The following ANKS1A variants were observed in gnomAD, a reference collection of about 807,000 sequenced individuals.
ANKS1A encodes ankyrin repeat and SAM domain-containing protein 1A.
Under a neutral mutation model 120.3 loss-of-function variants are expected in ANKS1A, and 55 were observed. That is an observed-to-expected ratio of 0.46 (90% confidence interval 0.37 to 0.57). The LOEUF (loss-of-function observed/expected upper bound fraction) is 0.57. ANKS1A is among the 20% of genes least tolerant of loss of function. The pLI is 0.00. For missense variants in ANKS1A, 1,123 were observed against 1,480.3 expected, an observed-to-expected ratio of 0.76 and a Z score of 3.96; for synonymous variants, 590 against 604.7, an observed-to-expected ratio of 0.98 and a Z score of 0.36.
In ANKS1A at chr6:34,959,720, A is replaced by C. The variant is rs527467230; in HGVS notation, c.198-7519A>C. Reference sequence around the variant, plus strand: ...GTCTTGCTTTTGCGATTCTTATTTGATTTCACAGAGACTTTAAGCAATTTT... The same window carrying C: ...GTCTTGCTTTTGCGATTCTTATTTGCTTTCACAGAGACTTTAAGCAATTTT... On this transcript the variant is annotated intron_variant, in intron 1 of 23. Transcript: ENST00000360359. Among the ~76,000 whole-genome samples, 15 of 152,182 alleles carry C rather than the reference A, an allele frequency of 9.9e-5. No homozygotes were observed. The South Asian group carries it at 1.4e-3, about 15-fold the overall frequency.
intron 10 of ANKS1A, among the ~76,000 whole-genome samples, chr6:35,010,737 T>C (rs1004312344): frequency 6.6e-6 from 1 of 152,190 alleles, no homozygotes; most frequent in Non-Finnish European, 1.5e-5. Flanking sequence ...AAAGCCTAAA[T>C]GGGGTCTAAT....
At chr6:34,950,310 T>G (rs901326957) in intron 1 of ANKS1A, among the ~76,000 whole-genome samples, 8 of 137,112 alleles carry the variant, frequency 5.8e-5, no homozygotes, top group African/African-American at 2.2e-4. Flanking sequence ...TACTGGAACC[T>G]CCGTCTCCCT....
downstream of ANKS1A, among the ~76,000 whole-genome samples, chr6:35,092,075 G>A (rs1778326975): frequency 6.6e-6 from 1 of 152,144 alleles, no homozygotes; most frequent in Non-Finnish European, 1.5e-5. Context: ...AGCTTTCCAG[G>A]CAACCATCTC....
intron 1 of ANKS1A, among the ~76,000 whole-genome samples, chr6:34,935,475 A>T (rs984232785): frequency 3.9e-5 from 6 of 152,188 alleles, no homozygotes. Context: ...TATGAGATTT[A>T]TGCAGAGCTG....
chr6:35,060,357 C>G lies in ANKS1A; in HGVS notation c.2184+104C>G. On this transcript the variant is annotated intron_variant, in intron 13 of 23. Coordinates refer to ENST00000360359, the MANE Select transcript of ANKS1A (RefSeq NM_015245.3). This position sits in a 1 kb window ranked among gnomAD's most constrained non-coding sequence, Gnocchi z 4.5. ...CAGGAGTCTGCAACAGTACGTAGAC[C>G]CAAATCCCAGGGAAAGCTCACTGAG... 2 of 991,566 alleles carry G rather than the reference C, an allele frequency of 2.0e-6. No individual in the cohort carries two copies. The highest frequency in any genetic ancestry group is 3.0e-5 in the South Asian group (2 of 66,064). 61.4% of individuals were successfully genotyped at this position (991,566 alleles called of 1,614,324 possible).
chr6:35,080,116 G>A lies in ANKS1A; in HGVS notation c.2544+188G>A, dbSNP rs1420201474. ...CACCTGTTTCTACTTGGGGATGGCCGATCAAACACATAAAACTTGGGGGAT... is the reference window on the plus strand; with the variant it reads ...CACCTGTTTCTACTTGGGGATGGCCAATCAAACACATAAAACTTGGGGGAT... On this transcript the variant is annotated intron_variant, in intron 16 of 23. Coordinates refer to ENST00000360359, the MANE Select transcript of ANKS1A (RefSeq NM_015245.3). 4.6e-5 allele frequency among the ~76,000 whole-genome samples: 7 copies of A among 152,290 alleles called. No homozygotes were observed. In the East Asian group the frequency reaches 7.7e-4, roughly 17 times the overall value.
intron 23 of ANKS1A, 143 bp downstream of exon 23, chr6:35,087,192 C>T (rs1778036741): frequency 3.7e-6 from 3 of 812,848 alleles, no homozygotes; most frequent in South Asian, 1.5e-5. Flanking sequence ...GGGACCTGCT[C>T]CTCTTGGGCG....
At chr6:35,078,535 G>GACATCCA in intron 13 of ANKS1A, 23 bp from the exon 14 acceptor site, 1 of 1,609,136 alleles carries the variant, frequency 6.2e-7, no homozygotes, top group East Asian at 2.2e-5. Flanking sequence ...GAGGGGCCCT[G>GACATCCA]ACATCCACCT....
At chr6:35,052,273 C>T (rs549439265) in intron 11 of ANKS1A, among the ~76,000 whole-genome samples, 1 of 151,844 alleles carries the variant, frequency 6.6e-6, no homozygotes. Context: ...CATGATGAAA[C>T]CCCGCCTTTA....
At chr6:35,038,929 G>T (rs1775314675) in intron 11 of ANKS1A, among the ~76,000 whole-genome samples, 1 of 152,156 alleles carries the variant, frequency 6.6e-6, no homozygotes, top group Non-Finnish European at 1.5e-5. Flanking sequence ...ATAGTCCAGA[G>T]AGGTCCTTTT....
intron 1 of ANKS1A, among the ~76,000 whole-genome samples, chr6:34,892,762 G>A (rs1438560289): frequency 6.6e-6 from 1 of 152,220 alleles, no homozygotes; most frequent in African/African-American, 2.4e-5. Context: ...CACGTCATCT[G>A]TAGTGTACTT....
chr6:35,015,783 C>A (rs1773968457), intron 10 of ANKS1A, among the ~76,000 whole-genome samples: 1 of 152,212 alleles, frequency 6.6e-6, no homozygotes, highest in African/African-American at 2.4e-5. Flanking sequence ...TTTGAAAAAA[C>A]CACTGTTGCA....
intron 1 of ANKS1A, among the ~76,000 whole-genome samples, chr6:34,906,620 G>A (rs1181867528): frequency 6.6e-6 from 1 of 152,084 alleles, no homozygotes; most frequent in Non-Finnish European, 1.5e-5. Context: ...AATAATGAGG[G>A]GAATAGAAAA....
chr6:34,995,428 T>C (rs934944680), intron 10 of ANKS1A, among the ~76,000 whole-genome samples: 3 of 152,218 alleles, frequency 2.0e-5, no homozygotes, highest in Admixed American at 2.0e-4. Context: ...AAAAAAGTTA[T>C]AATTTAGATA....
At chr6:35,001,914 C>T (rs1337815838) in intron 10 of ANKS1A, among the ~76,000 whole-genome samples, 1 of 152,194 alleles carries the variant, frequency 6.6e-6, no homozygotes, top group Non-Finnish European at 1.5e-5. Context: ...AAGAATTAGA[C>T]AGGGTTTACA....
chr6:34,903,832 A>G (rs1445638608), intron 1 of ANKS1A, among the ~76,000 whole-genome samples: 10 of 148,424 alleles, frequency 6.7e-5, no homozygotes, highest in Non-Finnish European at 1.5e-4. Flanking sequence ...CTAATTTTTA[A>G]TTTTTTTATA....
rs1170845522 is a variant in ANKS1A at position 34,994,415 on chromosome 6, A to G, written c.1416A>G (p.Lys472=). 5.0e-6 allele frequency: 8 copies of G among 1,611,932 alleles called. No individual in the cohort carries two copies. The highest frequency in any genetic ancestry group is 6.8e-6 in the Non-Finnish European group (8 of 1,178,570). ...AGAAAGTGGTGTTGGTGGATGGAAAAACAAAAGGTACGTTCCCCACAACTC... is the reference window on the plus strand; with the variant it reads ...AGAAAGTGGTGTTGGTGGATGGAAAGACAAAAGGTACGTTCCCCACAACTC... ...ETKKVVLVDG[K]TKDHRRSSSS... is the part of the protein sequence containing the mutation. Residue 472 remains lysine (K), a synonymous_variant, in exon 10 of 24, where the codon AAA becomes AAG. Transcript: ENST00000360359.
Position 34,964,528 on chromosome 6 carries a change from T to C in ANKS1A, c.198-2711T>C, listed in dbSNP as rs565747857. ...AACATGGTATGTCTTGGGAAATCTT[T>C]CCATGTCAGGACTTAAAGGTCCAAT... On this transcript the variant is annotated intron_variant, in intron 1 of 23. Coordinates refer to ENST00000360359, the MANE Select transcript of ANKS1A (RefSeq NM_015245.3). Among the ~76,000 whole-genome samples, 5 of 152,360 alleles carry C rather than the reference T, an allele frequency of 3.3e-5. No homozygotes were observed. In the East Asian group the frequency reaches 5.8e-4, roughly 18 times the overall value.
At chr6:35,068,961 G>C (rs1440316783) in intron 13 of ANKS1A, among the ~76,000 whole-genome samples, 1 of 152,210 alleles carries the variant, frequency 6.6e-6, no homozygotes, top group Non-Finnish European at 1.5e-5. Context: ...GCCTTGGTTT[G>C]GGTGAACGTC....
Sources: allele counts gnomAD v4.1 joint callset (sites outside exome capture counted in the v4.1 genomes callset), GRCh38; gene constraint gnomAD v4.1.1; non-coding constraint Gnocchi (gnomAD v3.1); transcripts MANE v1.5; gene names NCBI Gene and HGNC (gene_info 2026-07-23, HGNC 2026-07-21).